The following JAML variants were observed in gnomAD, a reference collection of about 807,000 sequenced individuals.
JAML encodes the protein junction adhesion molecule like, also known as junctional adhesion molecule-like.
Under a neutral mutation model 39.3 loss-of-function variants are expected in JAML, and 25 were observed. The observed-to-expected ratio is 0.64, with a 90% CI of 0.46 to 0.89. The LOEUF (loss-of-function observed/expected upper bound fraction) is 0.89. Ranked by LOEUF, JAML falls within the 40% of genes least tolerant of loss-of-function variation. The pLI is 0.00. For synonymous variants in JAML, 162 were observed against 179.2 expected (o/e 0.90, Z 0.77); for missense variants, 440 against 486.9 (o/e 0.90, Z 0.91).
rs1949216901 is a variant in JAML at position 118,222,206 on chromosome 11, A to G, written c.-21+2735T>C. On this transcript the variant is annotated intron_variant, in intron 1 of 9. Transcript: ENST00000356289. The surrounding 1 kb of genome is among the most constrained non-coding windows in gnomAD (Gnocchi z 4.2). ...CAAGGTGGACAGATCGCTTGAGCCC[A>G]GGAGTTTGAGACCAGCCTGAGCAAC... Among the ~76,000 whole-genome samples, 1 of 152,072 alleles carries G rather than the reference A, an allele frequency of 6.6e-6. No homozygotes were observed. The highest frequency in any genetic ancestry group is 1.5e-5 in the Non-Finnish European group (1 of 68,004).
intron 9 of JAML, among the ~76,000 whole-genome samples, chr11:118,195,894 C>T (rs12289120): frequency 0.22 from 32,900 of 151,306 alleles, 4,243 homozygotes; most frequent in African/African-American, 0.36. Context: ...TGCAGTGGCG[C>T]GATCTTAGCT....
chr11:118,204,912 G>A (rs1339303649), intron 5 of JAML: 1 of 152,146 alleles, frequency 6.6e-6, no homozygotes, highest in Non-Finnish European at 1.5e-5. Context: ...GTTAATGGGT[G>A]TGTAGACACA....
intron 9 of JAML, among the ~76,000 whole-genome samples, chr11:118,195,477 G>A (rs551638226): frequency 1.3e-5 from 2 of 152,126 alleles, no homozygotes; most frequent in African/African-American, 4.8e-5. Context: ...AATAGGCTGG[G>A]TGCCTATAAT....
rs1364738179 is a variant in JAML, at chr11:118,200,454, G to A, written c.911+20C>T. The A allele has an allele frequency of 6.2e-7, 1 of 1,613,400 alleles. No homozygotes were observed. Among genetic ancestry groups the A allele is most frequent in the Non-Finnish European group, 8.5e-7 (1 of 1,179,524 alleles). Reference sequence around the variant, plus strand: ...TGCACCCCCAGCCTCCCAATCCAAGGGGTGGGGGTAGCCCTGTACCTCTTA... The same window carrying A: ...TGCACCCCCAGCCTCCCAATCCAAGAGGTGGGGGTAGCCCTGTACCTCTTA... On this transcript the variant is annotated intron_variant, in intron 7 of 9. Coordinates refer to ENST00000356289, the MANE Select transcript of JAML (RefSeq NM_001098526.2).
At chr11:118,223,992 T>C (rs1949235239) in intron 1 of JAML, 1 of 152,168 alleles carries the variant, frequency 6.6e-6, no homozygotes, top group Non-Finnish European at 1.5e-5. Flanking sequence ...AGCCTTCTTT[T>C]ACTCACAGAG....
chr11:118,215,110 A>C (rs759655886), intron 1 of JAML, among the ~76,000 whole-genome samples: 47 of 152,178 alleles, frequency 3.1e-4, no homozygotes, highest in Admixed American at 7.2e-4. Context: ...AAAATACCAG[A>C]TGTCAATAAG....
At chr11:118,206,853 C>T (rs1948926999) in intron 4 of JAML, among the ~76,000 whole-genome samples, 3 of 152,158 alleles carry the variant, frequency 2.0e-5, no homozygotes. Flanking sequence ...TTCAGTAATG[C>T]TCTGTACAAA....
Position 118,212,532 on chromosome 11 carries a change from C to T in JAML, c.73G>A (p.Val25Ile), listed in dbSNP as rs777949160. The T allele has an allele frequency of 1.2e-5, 20 of 1,614,002 alleles. No individual in the cohort carries two copies. The South Asian group carries it at 1.3e-4, about 11-fold the overall frequency. Reference protein sequence around the residue: ...DYSLGLNDLNVSPPELTVHVG... With the variant: ...DYSLGLNDLNISPPELTVHVG... ...TGGACTGTTAGCTCAGGCGGGGAAACATTCAAGTCATTCAGGCCCAAGGAA... is the reference window on the plus strand; with the variant it reads ...TGGACTGTTAGCTCAGGCGGGGAAATATTCAAGTCATTCAGGCCCAAGGAA... The change falls in exon 3 of 10, where the codon GTT (valine) becomes ATT (isoleucine). Residue 25 changes from valine (V) to isoleucine (I), a missense_variant. Physicochemically the swap from Val to Ile is conservative, Grantham distance 29. Coordinates refer to ENST00000356289, the MANE Select transcript of JAML (RefSeq NM_001098526.2).
chr11:118,203,271 G>A (rs1948848576), intron 6 of JAML, 157 bp downstream of exon 6: 5 of 768,718 alleles, frequency 6.5e-6, no homozygotes, highest in Admixed American at 3.6e-5. Flanking sequence ...CCTCTAAGGA[G>A]GCATCATTCT....
At chr11:118,204,665 T>C (rs1419409536) in intron 5 of JAML, 2 of 152,214 alleles carry the variant, frequency 1.3e-5, no homozygotes, top group Non-Finnish European at 2.9e-5. Context: ...AGCACCCACA[T>C]AACAAAAACC....
At chr11:118,217,678 C>T (rs1949161205) in intron 1 of JAML, among the ~76,000 whole-genome samples, 1 of 152,158 alleles carries the variant, frequency 6.6e-6, no homozygotes, top group Non-Finnish European at 1.5e-5. Context: ...AAGGTTAATG[C>T]CAGGCCCTGG....
At chr11:118,221,778 TGATTC>T (rs1427168676) in intron 1 of JAML, among the ~76,000 whole-genome samples, 2 of 152,232 alleles carry the variant, frequency 1.3e-5, no homozygotes, top group Non-Finnish European at 2.9e-5. Context: ...AATCATTTAT[TGATTC>T]TTTTCCCCTC....
chr11:118,200,716 G>T, intron 6 of JAML, 104 bp from the exon 7 acceptor site: 1 of 1,374,506 alleles, frequency 7.3e-7, no homozygotes, highest in Non-Finnish European at 1.0e-6. Flanking sequence ...ACGAAGCGGA[G>T]GGGAAGGCCA....
chr11:118,213,730 G>A (rs1949103398), intron 2 of JAML, among the ~76,000 whole-genome samples: 1 of 152,116 alleles, frequency 6.6e-6, no homozygotes, highest in Non-Finnish European at 1.5e-5. Context: ...AAGAAGATGA[G>A]ATTTTCTGCA....
chr11:118,209,803 T>C (rs555659981), intron 4 of JAML, among the ~76,000 whole-genome samples: 1 of 152,222 alleles, frequency 6.6e-6, no homozygotes, highest in Non-Finnish European at 1.5e-5. Flanking sequence ...GCTCCCAAAG[T>C]GCTAGGATTA....
At chr11:118,216,803 A>C (rs1005442791) in intron 1 of JAML, among the ~76,000 whole-genome samples, 3 of 152,166 alleles carry the variant, frequency 2.0e-5, no homozygotes, top group African/African-American at 7.2e-5. Context: ...ATATATCAGG[A>C]GTCACATAGA....
intron 7 of JAML, among the ~76,000 whole-genome samples, chr11:118,199,164 G>A (rs1948722940): frequency 6.6e-6 from 1 of 152,094 alleles, no homozygotes; most frequent in Admixed American, 6.5e-5. Context: ...TTAATTATAA[G>A]CAAGACGGCA....
chr11:118,209,165 A>G, intron 4 of JAML: 1 of 308,150 alleles, frequency 3.2e-6, no homozygotes, highest in East Asian at 9.5e-5. Context: ...TCCTTTGGTT[A>G]CAGTCTCAGC....
At chr11:118,207,533 A>G (rs1220066967) in intron 4 of JAML, among the ~76,000 whole-genome samples, 1 of 152,244 alleles carries the variant, frequency 6.6e-6, no homozygotes, top group Non-Finnish European at 1.5e-5. Context: ...ATTTTCATCT[A>G]TAGTATTTAA....
Sources: gnomAD v4.1 joint callset for allele counts (sites outside exome capture counted in the v4.1 genomes callset) on GRCh38, gnomAD v4.1.1 for gene constraint, Gnocchi (gnomAD v3.1) non-coding constraint, MANE v1.5 for transcripts, NCBI Gene and HGNC (gene_info 2026-07-23, HGNC 2026-07-21) for gene names.